Variants in LRP1B observed in about 807,000 individuals in gnomAD.
The protein encoded by LRP1B is low-density lipoprotein receptor-related protein 1B.
Under a neutral mutation model 556.6 loss-of-function variants are expected in LRP1B, and 217 were observed. The observed-to-expected ratio is 0.39, with a 90% CI of 0.35 to 0.44. The LOEUF is 0.44. Ranked by LOEUF, LRP1B falls within the 20% of genes least tolerant of loss-of-function variation. LRP1B has a pLI of 1.00. For synonymous variants in LRP1B, 2,047 were observed against 1,865.8 expected (o/e 1.10, Z -2.50); for missense variants, 5,053 against 5,620.8 (o/e 0.90, Z 3.23).
intron 66 of LRP1B, among the ~76,000 whole-genome samples, chr2:140,388,532 T>C (rs905435717): frequency 6.6e-6 from 1 of 152,216 alleles, no homozygotes; most frequent in African/African-American, 2.4e-5. Flanking sequence ...TAGAGTTCAT[T>C]GCTAAAATTT....
intron 2 of LRP1B, among the ~76,000 whole-genome samples, chr2:141,700,380 A>G (rs1691896774): frequency 6.6e-6 from 1 of 151,824 alleles, no homozygotes; most frequent in Admixed American, 6.6e-5. Flanking sequence ...ATAAAGGAAA[A>G]CACAAGAAGA....
At chr2:141,422,280 T>C (rs1680174645) in intron 3 of LRP1B, among the ~76,000 whole-genome samples, 2 of 152,106 alleles carry the variant, frequency 1.3e-5, no homozygotes. Flanking sequence ...TAAGGTAAAT[T>C]TGGAAAATGG....
rs1288709980 is a variant in LRP1B at position 141,367,821 on chromosome 2, T to C, written c.343+112575A>G. Among the ~76,000 whole-genome samples the C allele has an allele frequency of 2.0e-5, 3 of 152,188 alleles. No homozygotes were observed. In the East Asian group the frequency reaches 5.8e-4, roughly 29 times the overall value. On this transcript the variant is annotated intron_variant, in intron 3 of 90. Coordinates refer to ENST00000389484, the MANE Select transcript of LRP1B (RefSeq NM_018557.3). ...TTATTTAACCATCAATGCCTATTTATAAGGTTCATTAAATATAAATATGAA... is the reference window on the plus strand; with the variant it reads ...TTATTTAACCATCAATGCCTATTTACAAGGTTCATTAAATATAAATATGAA...
chr2:140,386,118 G>T lies in LRP1B; in HGVS notation c.10415-109C>A, dbSNP rs1333011249. 7 of 687,606 alleles carry T rather than the reference G, an allele frequency of 1.0e-5. No homozygotes were observed. The African/African-American group carries it at 1.3e-4, about 12-fold the overall frequency. The allele number at this position is 687,606 out of a possible 1,614,324, so 42.6% of individuals were successfully genotyped here. A position where few individuals can be genotyped will look rare whatever the true frequency, so the allele number is the denominator to read the frequency against. Reference sequence around the variant, plus strand: ...TGGCATATAATGTTTCCTTAATTCAGTTACTAAGAAGCATCCTTAGGAAAA... The same window carrying T: ...TGGCATATAATGTTTCCTTAATTCATTTACTAAGAAGCATCCTTAGGAAAA... On this transcript the variant is annotated intron_variant, in intron 66 of 90. Coordinates refer to ENST00000389484, the MANE Select transcript of LRP1B (RefSeq NM_018557.3).
intron 1 of LRP1B, among the ~76,000 whole-genome samples, chr2:142,079,802 G>A (rs919100271): frequency 4.6e-5 from 7 of 152,070 alleles, no homozygotes; most frequent in Non-Finnish European, 7.4e-5. Flanking sequence ...GAGCCACTGC[G>A]CCCAGCCTCT....
In LRP1B at chr2:140,633,474, T is replaced by C. The variant is rs113260571; in HGVS notation, c.6800-31835A>G. ...AAAGCAGAAGGGAAGAAATAAAAAT[T>C]GAAGCAGAAGTCATTGAAATTAAAA... On this transcript the variant is annotated intron_variant, in intron 41 of 90. Transcript: ENST00000389484. Among the ~76,000 whole-genome samples, 6 of 152,088 alleles carry C rather than the reference T, an allele frequency of 3.9e-5. 1 individual carries two copies. The highest frequency in any genetic ancestry group is 1.4e-4 in the African/African-American group (6 of 41,494).
rs750928219 is a variant in LRP1B at position 140,534,042 on chromosome 2, A to AGTT, written c.7738_7740dup (p.Asn2580dup). ...TTACCTTTACAATCTAATTCATCAGAGTTGTCTCCGCAGTCATTTTCTCCA... is the reference window on the plus strand; with the variant it reads ...TTACCTTTACAATCTAATTCATCAGAGTTGTTGTCTCCGCAGTCATTTTCTCCA... On this transcript the variant is annotated inframe_insertion, in exon 47 of 91. Coordinates refer to ENST00000389484, the MANE Select transcript of LRP1B (RefSeq NM_018557.3). The AGTT allele has an allele frequency of 6.2e-7, 1 of 1,613,558 alleles. No homozygotes were observed. Among genetic ancestry groups the AGTT allele is most frequent in the East Asian group, 2.2e-5 (1 of 44,854 alleles).
chr2:140,951,131 T>C (rs889006464), intron 19 of LRP1B, among the ~76,000 whole-genome samples: 1 of 152,136 alleles, frequency 6.6e-6, no homozygotes, highest in Non-Finnish European at 1.5e-5. Flanking sequence ...CTTAAACCTA[T>C]AGTTCTCATG....
rs1482797354 is a variant in LRP1B, at chr2:141,810,311, C to T, written c.173G>A (p.Cys58Tyr). 6.2e-7 allele frequency: 1 copy of T among 1,613,160 alleles called. No individual in the cohort carries two copies. The change falls in exon 2 of 91, where the codon TGC becomes TAC. Residue 58 changes from cysteine (C) to tyrosine (Y), a missense_variant. By Grantham distance (194) the Cys-to-Tyr change is radical. Coordinates refer to ENST00000389484, the MANE Select transcript of LRP1B (RefSeq NM_018557.3). ...TAAAGACTCGTCTGAATCATCAGGG[C>T]AGTCAGGGTCCCCATCACACAGCCA... is the stretch of plus-strand genomic sequence containing the variant. ...QSWLCDGDPD[C>Y]PDDSDESLDT...
chr2:142,028,721 CT>C (rs1030507004), intron 1 of LRP1B, among the ~76,000 whole-genome samples: 1 of 151,930 alleles, frequency 6.6e-6, no homozygotes, highest in African/African-American at 2.4e-5. Flanking sequence ...ATAATTTTGA[CT>C]TTATATAAGA....
intron 32 of LRP1B, among the ~76,000 whole-genome samples, chr2:140,808,861 A>T (rs997076297): frequency 2.0e-5 from 3 of 152,208 alleles, no homozygotes; most frequent in African/African-American, 7.2e-5. Context: ...CCCAGGCAGA[A>T]TACAAGCTCT....
chr2:140,704,029 G>A (rs1403590865), intron 37 of LRP1B, among the ~76,000 whole-genome samples: 1 of 152,116 alleles, frequency 6.6e-6, no homozygotes, highest in Admixed American at 6.6e-5. Flanking sequence ...CCAGTAATGG[G>A]ATTATTTGAA....
chr2:140,980,075 G>A (rs1237273327), intron 18 of LRP1B, among the ~76,000 whole-genome samples: 1 of 151,306 alleles, frequency 6.6e-6, no homozygotes, highest in African/African-American at 2.4e-5. Context: ...TTAAAATAAA[G>A]AAACAGGTCT....
intron 23 of LRP1B, among the ~76,000 whole-genome samples, chr2:140,902,197 G>T (rs1161067072): frequency 1.3e-5 from 2 of 152,214 alleles, no homozygotes; most frequent in African/African-American, 4.8e-5. Context: ...AGACTTCTAA[G>T]TTTCCTGTGG....
chr2:140,502,794 A>G (rs774337323), intron 54 of LRP1B, among the ~76,000 whole-genome samples, 169 bp downstream of exon 54: 1 of 151,976 alleles, frequency 6.6e-6, no homozygotes, highest in African/African-American at 2.4e-5. Flanking sequence ...AATTTCCAAA[A>G]CTAGCTTCTC....
intron 7 of LRP1B, among the ~76,000 whole-genome samples, chr2:141,099,848 A>G (rs2104935620): frequency 6.6e-6 from 1 of 152,206 alleles, no homozygotes; most frequent in South Asian, 2.1e-4. Flanking sequence ...GCCCATTTGT[A>G]TTTTCTATAG....
At chr2:140,642,952 A>T (rs988287379) in intron 41 of LRP1B, among the ~76,000 whole-genome samples, 1 of 152,220 alleles carries the variant, frequency 6.6e-6, no homozygotes, top group Non-Finnish European at 1.5e-5. Flanking sequence ...ATATATACAA[A>T]CATAAATATG....
At chr2:141,939,295 A>T (rs1236089891) in intron 1 of LRP1B, among the ~76,000 whole-genome samples, 2 of 152,128 alleles carry the variant, frequency 1.3e-5, no homozygotes, top group African/African-American at 4.8e-5. Context: ...CTTGACTTAC[A>T]TGGCAAAGGC....
chr2:141,376,745 G>A (rs893413919), intron 3 of LRP1B, among the ~76,000 whole-genome samples: 4 of 151,916 alleles, frequency 2.6e-5, no homozygotes, highest in African/African-American at 9.7e-5. Context: ...TCAAAAGAAA[G>A]AAATAACACA....
Sources: gnomAD v4.1 joint callset for allele counts (sites outside exome capture counted in the v4.1 genomes callset) on GRCh38, gnomAD v4.1.1 for gene constraint, MANE v1.5 for transcripts, NCBI Gene and HGNC (gene_info 2026-07-23, HGNC 2026-07-21) for gene names.